The following RALB variants were observed in gnomAD, a reference collection of about 807,000 sequenced individuals.
The protein encoded by RALB is ras-related protein Ral-B.
A neutral mutation model predicts 21.3 loss-of-function variants in RALB; 16 were observed. The observed-to-expected ratio is 0.75, with a 90% CI of 0.51 to 1.14. The LOEUF (loss-of-function observed/expected upper bound fraction) is 1.14, where lower values mean the gene tolerates loss of function less well. Ranked by LOEUF, RALB falls within the 50% of genes most tolerant of loss-of-function variation. The pLI is 0.00. For missense variants in RALB, 161 were observed against 256.2 expected, an observed-to-expected ratio of 0.63 and a Z score of 2.54; for synonymous variants, 93 against 96.1, an observed-to-expected ratio of 0.97 and a Z score of 0.19.
intron 1 of RALB, 32 bp from the exon 2 acceptor site, chr2:120,278,586 C>A (rs758492202): frequency 1.4e-6 from 2 of 1,391,946 alleles, no homozygotes; most frequent in South Asian, 3.2e-5. Flanking sequence ...GAAAGCAAAT[C>A]GCCTCTAAGT....
At chr2:120,241,347 GC>G (rs1374050305) in intron 1 of RALB, among the ~76,000 whole-genome samples, 1 of 152,188 alleles carries the variant, frequency 6.6e-6, no homozygotes, top group Non-Finnish European at 1.5e-5. Flanking sequence ...TCCATGGAGT[GC>G]CTGCTATGAG....
At chr2:120,253,620 G>C in intron 1 of RALB, 2 of 985,428 alleles carry the variant, frequency 2.0e-6, no homozygotes, top group Non-Finnish European at 2.4e-6. Context: ...AACCGTGCTC[G>C]GTGCAGGGTT....
intron 1 of RALB, among the ~76,000 whole-genome samples, chr2:120,273,435 C>T (rs1689716885): frequency 6.6e-6 from 1 of 150,870 alleles, no homozygotes; most frequent in South Asian, 2.1e-4. Flanking sequence ...CTGGGGTAGT[C>T]CACATCTTGT....
At chr2:120,277,418 CAT>C (rs375185496) in intron 1 of RALB, among the ~76,000 whole-genome samples, 3,789 of 151,122 alleles carry the variant, frequency 0.025, 170 homozygotes, top group African/African-American at 0.087. Flanking sequence ...CACGCATGTG[CAT>C]GTTAGAGCCT....
intron 1 of RALB, among the ~76,000 whole-genome samples, chr2:120,259,019 T>C (rs1689273105): frequency 6.6e-6 from 1 of 151,804 alleles, no homozygotes; most frequent in Admixed American, 6.6e-5. Flanking sequence ...GTTACAGCTC[T>C]TAAGGTAGCG....
chr2:120,272,205 G>A (rs1689680852), intron 1 of RALB, among the ~76,000 whole-genome samples: 1 of 152,138 alleles, frequency 6.6e-6, no homozygotes. Flanking sequence ...AAGAGCCCAG[G>A]TCTCTCTTCC....
At chr2:120,244,615 C>G (rs1230393107) in intron 1 of RALB, among the ~76,000 whole-genome samples, 1 of 150,680 alleles carries the variant, frequency 6.6e-6, no homozygotes, top group East Asian at 1.9e-4. Context: ...TAGCCATTCC[C>G]TCATCCATCC....
chr2:120,240,588 C>T lies in RALB; in HGVS notation c.19+463C>T, dbSNP rs547465751. ...TGCTGGGATCACAGGTGTGAGCCAC[C>T]GCACCTGGCAGGAGCTGCTATTTGA... On this transcript the variant is annotated intron_variant, in intron 1 of 3. Coordinates refer to the RALB transcript ENST00000447591. Among the ~76,000 whole-genome samples the T allele has an allele frequency of 1.4e-3, 210 of 152,228 alleles. 2 individuals carry two copies. Among genetic ancestry groups the T allele is most frequent in the African/African-American group, 4.9e-3 (205 of 41,542 alleles).
chr2:120,261,314 G>C (rs1689360511), intron 1 of RALB, among the ~76,000 whole-genome samples: 1 of 152,164 alleles, frequency 6.6e-6, no homozygotes, highest in Admixed American at 6.5e-5. Flanking sequence ...GGGCATGGTG[G>C]TGGTGGAGGG....
At position 120,263,886 on chromosome 2, in the gene RALB, C is replaced by T. The variant is rs10183671; in HGVS notation, c.-48+10906C>T. 3.7e-3 allele frequency among the ~76,000 whole-genome samples: 558 copies of T among 151,944 alleles called. 2 individuals are homozygous for T. Among genetic ancestry groups the T allele is most frequent in the Middle Eastern group, 0.014 (4 of 294 alleles). ...TTTTTGATACAGAGTCTTGCTCTGT[C>T]GCCCAGGCTGGAGTGCAATGGTGCG... On this transcript the variant is annotated intron_variant, in intron 1 of 4. Coordinates refer to ENST00000272519, the MANE Select transcript of RALB (RefSeq NM_002881.3).
At chr2:120,241,029 C>T (rs1234401431) in intron 1 of RALB, among the ~76,000 whole-genome samples, 3 of 152,178 alleles carry the variant, frequency 2.0e-5, no homozygotes, top group South Asian at 2.1e-4. Flanking sequence ...TCCACTGTCA[C>T]GGGGTGTGCG....
chr2:120,246,036 G>A (rs4241155), intron 1 of RALB, among the ~76,000 whole-genome samples: 35 of 152,146 alleles, frequency 2.3e-4, no homozygotes, highest in African/African-American at 8.0e-4. Flanking sequence ...TTTACCCCCC[G>A]ACACCACCCC....
chr2:120,250,506 A>G (rs555506756), upstream of RALB, among the ~76,000 whole-genome samples: 2 of 152,260 alleles, frequency 1.3e-5, no homozygotes, highest in Non-Finnish European at 2.9e-5. Flanking sequence ...GGAAGTTTCC[A>G]GTGCTCACAA....
At chr2:120,279,021 G>T (rs564802560) in intron 2 of RALB, among the ~76,000 whole-genome samples, 6 of 152,182 alleles carry the variant, frequency 3.9e-5, no homozygotes, top group Non-Finnish European at 8.8e-5. Context: ...CGTTTCCATT[G>T]TTATACTTCG....
intron 2 of RALB, among the ~76,000 whole-genome samples, chr2:120,283,122 G>A (rs886125134): frequency 2.0e-5 from 3 of 152,186 alleles, no homozygotes; most frequent in African/African-American, 7.2e-5. Context: ...AGGTGTGGCA[G>A]CTCCTGCCTG....
chr2:120,243,554 G>T (rs1300346326), intron 1 of RALB, among the ~76,000 whole-genome samples: 2 of 152,144 alleles, frequency 1.3e-5, no homozygotes, highest in African/African-American at 2.4e-5. Flanking sequence ...TTCACACCTG[G>T]GGAGGGAGTC....
intron 2 of RALB, among the ~76,000 whole-genome samples, chr2:120,281,818 G>T (rs533908388): frequency 1.3e-5 from 2 of 152,194 alleles, no homozygotes; most frequent in African/African-American, 2.4e-5. Flanking sequence ...GGGGAAGAGA[G>T]GGGGTGGTGA....
intron 1 of RALB, chr2:120,253,798 G>A (rs372353180): frequency 3.7e-5 from 29 of 791,854 alleles, no homozygotes; most frequent in Non-Finnish European, 4.3e-5. Flanking sequence ...AAGAGACTTG[G>A]CTGATTGCTC....
At chr2:120,278,502 A>T in intron 1 of RALB, 116 bp from the exon 2 acceptor site, 1 of 1,012,600 alleles carries the variant, frequency 9.9e-7, no homozygotes, top group Non-Finnish European at 1.3e-6. Context: ...TGAAAGGATT[A>T]CTTTCCTGTT....
Sources: allele counts gnomAD v4.1 joint callset (sites outside exome capture counted in the v4.1 genomes callset), GRCh38; gene constraint gnomAD v4.1.1; transcripts MANE v1.5; gene names NCBI Gene and HGNC (gene_info 2026-07-23, HGNC 2026-07-21).